The following NNMT variants were observed in gnomAD, a reference collection of about 807,000 sequenced individuals.
The protein encoded by NNMT is nicotinamide N-methyltransferase.
Under a neutral mutation model 11.7 loss-of-function variants are expected in NNMT, and 10 were observed. The ratio of observed to expected loss-of-function variants is 0.85; its 90% CI spans 0.53 to 1.45. NNMT has a LOEUF of 1.45. Ranked by LOEUF, NNMT falls within the 40% of genes most tolerant of loss-of-function variation. The pLI is 0.00. For missense variants in NNMT, 381 were observed against 319.4 expected, an observed-to-expected ratio of 1.19 and a Z score of -1.47; for synonymous variants, 143 against 133.8, an observed-to-expected ratio of 1.07 and a Z score of -0.48.
At chr11:114,303,579 GAGGAACATACAGTGACGTGTTTT>G (rs1280717138) in intron 2 of NNMT, among the ~76,000 whole-genome samples, 1 of 152,144 alleles carries the variant, frequency 6.6e-6, no homozygotes, top group African/African-American at 2.4e-5. Context: ...TTTATTTCAA[GAGGAACATACAGTGACGTGTTTT>G]CTAAGTCCAT....
intron 2 of NNMT, among the ~76,000 whole-genome samples, chr11:114,301,147 G>A (rs566908680): frequency 4.1e-4 from 63 of 152,252 alleles, no homozygotes; most frequent in African/African-American, 1.3e-3. Flanking sequence ...TTTATTGTTC[G>A]TGGGAATTAA....
intron 2 of NNMT, 122 bp downstream of exon 2, chr11:114,298,280 G>GAGAGCA: frequency 1.3e-6 from 1 of 772,250 alleles, no homozygotes; most frequent in Middle Eastern, 2.6e-4. Flanking sequence ...ACGAGAGAGC[G>GAGAGCA]AGAGCAAGAG....
At chr11:114,262,268 C>A (rs965899629) in intron 1 of NNMT, among the ~76,000 whole-genome samples, 1 of 152,084 alleles carries the variant, frequency 6.6e-6, no homozygotes, top group Non-Finnish European at 1.5e-5. Context: ...GGCAAACATG[C>A]GCCTTGGTGG....
At chr11:114,278,081 T>C (rs1479130577) in intron 2 of NNMT, among the ~76,000 whole-genome samples, 1 of 152,168 alleles carries the variant, frequency 6.6e-6, no homozygotes, top group Non-Finnish European at 1.5e-5. Flanking sequence ...ACTGGGTAAA[T>C]TTATAAAGAA....
At chr11:114,298,973 G>C (rs1225788547) in intron 2 of NNMT, among the ~76,000 whole-genome samples, 1 of 152,116 alleles carries the variant, frequency 6.6e-6, no homozygotes, top group African/African-American at 2.4e-5. Flanking sequence ...TTCACTCCTG[G>C]AGCAACATTT....
At chr11:114,271,146 T>C (rs1269267534) in intron 2 of NNMT, among the ~76,000 whole-genome samples, 2 of 152,152 alleles carry the variant, frequency 1.3e-5, no homozygotes, top group Non-Finnish European at 2.9e-5. Flanking sequence ...GTTCAACATA[T>C]GAATTTTGGG....
At chr11:114,258,908 C>T (rs563905688) in intron 1 of NNMT, among the ~76,000 whole-genome samples, 15 of 152,282 alleles carry the variant, frequency 9.9e-5, no homozygotes, top group Middle Eastern at 3.4e-3. Flanking sequence ...CTGAGAGCTA[C>T]GCAAACACAC....
At chr11:114,291,406 G>A (rs927380991), upstream of NNMT, among the ~76,000 whole-genome samples, 2 of 152,202 alleles carry the variant, frequency 1.3e-5, no homozygotes, top group Non-Finnish European at 2.9e-5. Flanking sequence ...ACTTTCCTTT[G>A]CCAGTGTCTC....
intron 2 of NNMT, among the ~76,000 whole-genome samples, chr11:114,274,462 G>A (rs1191199630): frequency 1.3e-5 from 2 of 152,222 alleles, no homozygotes; most frequent in East Asian, 1.9e-4. Context: ...GTCTCCAGTG[G>A]TAAAATATGT....
At chr11:114,286,552 T>C (rs1041388757) in intron 2 of NNMT, among the ~76,000 whole-genome samples, 1 of 152,242 alleles carries the variant, frequency 6.6e-6, no homozygotes, top group Non-Finnish European at 1.5e-5. Flanking sequence ...TTTTGGACTT[T>C]ATAGATTGAA....
chr11:114,263,581 C>T (rs1307975896), intron 2 of NNMT, among the ~76,000 whole-genome samples: 1 of 152,238 alleles, frequency 6.6e-6, no homozygotes, highest in Non-Finnish European at 1.5e-5. Context: ...CCTAGCTCTG[C>T]CCACGATGGC....
At chr11:114,269,231 A>G (rs547707965) in intron 2 of NNMT, among the ~76,000 whole-genome samples, 60 of 152,208 alleles carry the variant, frequency 3.9e-4, no homozygotes, top group Non-Finnish European at 8.1e-4. Flanking sequence ...GGATGAATGC[A>G]GTGAAGGCTT....
rs568424883 is a variant in NNMT, at chr11:114,262,409, T to C, written c.-216-439T>C. On this transcript the variant is annotated intron_variant, in intron 1 of 4. Transcript: ENST00000535401. Reference sequence around the variant, plus strand: ...TGTGTTGTTCCCCTCCACGTGTCCATGTGTTCTCATTGTTCAGCTCCCACT... The same window carrying C: ...TGTGTTGTTCCCCTCCACGTGTCCACGTGTTCTCATTGTTCAGCTCCCACT... Among the ~76,000 whole-genome samples the C allele has an allele frequency of 6.4e-4, 98 of 152,160 alleles. No individual in the cohort carries two copies. The Middle Eastern group carries it at 0.014, about 21-fold the overall frequency.
At chr11:114,289,232 G>A (rs1484621611) in intron 2 of NNMT, among the ~76,000 whole-genome samples, 1 of 152,142 alleles carries the variant, frequency 6.6e-6, no homozygotes, top group East Asian at 1.9e-4. Flanking sequence ...TCTGCCATGA[G>A]GTTCCCCTTT....
At chr11:114,282,542 C>G (rs563484631) in intron 2 of NNMT, among the ~76,000 whole-genome samples, 1 of 152,280 alleles carries the variant, frequency 6.6e-6, no homozygotes, top group East Asian at 1.9e-4. Context: ...TTTGCATGTC[C>G]TTTTTTCAGC....
Position 114,312,775 on chromosome 11 carries a change from C to A in NNMT, c.*298C>A, listed in dbSNP as rs1020911765. 5.7e-6 allele frequency: 2 copies of A among 352,892 alleles called. No homozygotes were observed. Among genetic ancestry groups the A allele is most frequent in the Non-Finnish European group, 1.0e-5 (2 of 192,964 alleles). 21.9% of individuals were successfully genotyped at this position (352,892 alleles called of 1,614,324 possible). A position where few individuals can be genotyped will look rare whatever the true frequency, so the allele number is the denominator to read the frequency against. ...ACATCTAGTTATGGCGGCTCAAGCC[C>A]GTACCTGCCTACAGAGAAGTGTCTG... is the stretch of plus-strand genomic sequence containing the variant. On this transcript the variant is annotated 3_prime_UTR_variant, in exon 3 of 3. Coordinates refer to ENST00000299964, the MANE Select transcript of NNMT (RefSeq NM_006169.3).
At chr11:114,267,225 A>C (rs1232064914) in intron 2 of NNMT, among the ~76,000 whole-genome samples, 1 of 152,238 alleles carries the variant, frequency 6.6e-6, no homozygotes, top group East Asian at 1.9e-4. Flanking sequence ...AGATCACGTC[A>C]CTGCAGTCCA....
chr11:114,292,964 A>G (rs115220891), upstream of NNMT, among the ~76,000 whole-genome samples: 1,048 of 152,364 alleles, frequency 6.9e-3, 14 homozygotes, highest in African/African-American at 0.024. Context: ...TCAATACCTC[A>G]GATTGAATAG....
chr11:114,296,754 T>C (rs3819100), intron 1 of NNMT, 44 bp downstream of exon 1: 461,465 of 1,597,728 alleles, frequency 0.29, 69,466 homozygotes, highest in East Asian at 0.51. Context: ...GTGAGTCATA[T>C]AGATGGAGTC....
Sources: gnomAD v4.1 joint callset for allele counts (sites outside exome capture counted in the v4.1 genomes callset) on GRCh38, gnomAD v4.1.1 for gene constraint, MANE v1.5 for transcripts, NCBI Gene and HGNC (gene_info 2026-07-23, HGNC 2026-07-21) for gene names.